The following NBAS variants were observed in gnomAD, a reference collection of about 807,000 sequenced individuals.
The protein encoded by NBAS is NBAS subunit of NRZ tethering complex.
Under a neutral mutation model 302.5 loss-of-function variants are expected in NBAS, and 219 were observed. That is an observed-to-expected ratio of 0.72 (90% confidence interval 0.65 to 0.81). The LOEUF (loss-of-function observed/expected upper bound fraction) is 0.81. Ranked by LOEUF, NBAS falls within the 30% of genes least tolerant of loss-of-function variation. The probability of loss-of-function intolerance (pLI) is 0.00; values close to 1 mark genes in which losing one functional copy is unlikely to be tolerated. For synonymous variants in NBAS, 1,118 were observed against 1,021.6 expected, an observed-to-expected ratio of 1.09 and a Z score of -1.80; for missense variants, 2,932 against 2,841.6, an observed-to-expected ratio of 1.03 and a Z score of -0.72.
At chr2:15,420,728 A>C (rs1327696660) in intron 23 of NBAS, among the ~76,000 whole-genome samples, 3 of 152,218 alleles carry the variant, frequency 2.0e-5, no homozygotes, top group African/African-American at 7.2e-5. Flanking sequence ...GAGCACATGC[A>C]AATGGAATGG....
At chr2:14,911,635 C>T in the NBAS span, among the ~76,000 whole-genome samples, 23 of 152,158 alleles carry the variant, frequency 1.5e-4, no homozygotes, top group Non-Finnish European at 2.1e-4. Flanking sequence ...ATGTCACCCA[C>T]TTGTTGTCAA....
intron 33 of NBAS, among the ~76,000 whole-genome samples, chr2:15,354,058 T>C (rs1673498274): frequency 6.6e-6 from 1 of 152,208 alleles, no homozygotes; most frequent in African/African-American, 2.4e-5. Context: ...GCAACCCTGC[T>C]ACTTAGCACT....
At chr2:14,877,229 G>A in the NBAS span, among the ~76,000 whole-genome samples, 2 of 152,138 alleles carry the variant, frequency 1.3e-5, no homozygotes, top group Non-Finnish European at 2.9e-5. Context: ...TCCTAGCTGT[G>A]TTTTCGCACT....
chr2:15,225,569 A>G (rs1217572871), intron 47 of NBAS, among the ~76,000 whole-genome samples: 1 of 152,226 alleles, frequency 6.6e-6, no homozygotes, highest in Non-Finnish European at 1.5e-5. Context: ...AGATAACAGC[A>G]AAGAGTTTAA....
intron 31 of NBAS, 23 bp downstream of exon 31, chr2:15,374,585 G>C (rs767966852): frequency 1.1e-5 from 18 of 1,571,402 alleles, no homozygotes; most frequent in Non-Finnish European, 1.5e-5. Flanking sequence ...TAGTAACAAT[G>C]CAACAGTAAG....
chr2:14,873,143 G>A, the NBAS span, among the ~76,000 whole-genome samples: 1 of 152,190 alleles, frequency 6.6e-6, no homozygotes, highest in African/African-American at 2.4e-5. Context: ...CAGCTGATTA[G>A]TCCATTTCAC....
chr2:15,079,156 A>C, the NBAS span, among the ~76,000 whole-genome samples: 2 of 152,094 alleles, frequency 1.3e-5, no homozygotes, highest in Non-Finnish European at 2.9e-5. Context: ...GTAAAATGAT[A>C]AAGTACCAGA....
chr2:15,215,619 G>GA (rs1666616309), intron 48 of NBAS, among the ~76,000 whole-genome samples: 1 of 152,048 alleles, frequency 6.6e-6, no homozygotes, highest in African/African-American at 2.4e-5. Flanking sequence ...GAGAGAAAAT[G>GA]AAAAAAACAA....
chr2:15,422,255 T>A (rs757456018), intron 23 of NBAS, among the ~76,000 whole-genome samples: 11 of 152,232 alleles, frequency 7.2e-5, no homozygotes, highest in Non-Finnish European at 1.2e-4. Flanking sequence ...CTTCTTTCAC[T>A]AAGTAATAGG....
the NBAS span, among the ~76,000 whole-genome samples, chr2:14,947,773 A>G: frequency 1.8e-4 from 28 of 151,828 alleles, no homozygotes; most frequent in African/African-American, 6.8e-4. Flanking sequence ...GGCCTTTACT[A>G]TTTTGAGGTA....
intron 44 of NBAS, among the ~76,000 whole-genome samples, chr2:15,261,836 T>A (rs927630970): frequency 2.6e-5 from 4 of 152,362 alleles, no homozygotes; most frequent in African/African-American, 9.6e-5. Context: ...ATTTTCCATT[T>A]AGAAATCTTC....
At chr2:15,402,328 A>C (rs376161590) in intron 25 of NBAS, 27 bp from the exon 26 acceptor site, 8 of 1,611,150 alleles carry the variant, frequency 5.0e-6, no homozygotes, top group Non-Finnish European at 5.9e-6. Context: ...ATGTTGTACT[A>C]AATGTCAACA....
chr2:14,963,657 T>C, the NBAS span, among the ~76,000 whole-genome samples: 1,270 of 152,306 alleles, frequency 8.3e-3, 21 homozygotes, highest in African/African-American at 0.029. Context: ...ACTAAGGAGC[T>C]TCCCAAGTAG....
At chr2:15,238,806 T>C (rs1417308960) in intron 44 of NBAS, 120 bp from the exon 45 acceptor site, 4 of 822,290 alleles carry the variant, frequency 4.9e-6, no homozygotes, top group Non-Finnish European at 7.4e-6. Context: ...AACCAATAAA[T>C]AGCACTTGTT....
rs149010415 is a variant in NBAS, at chr2:15,388,124, T to C, written c.3258-4807A>G. Among the ~76,000 whole-genome samples the C allele has an allele frequency of 1.8e-4, 27 of 152,260 alleles. 1 individual carries two copies. The highest frequency in any genetic ancestry group is 2.9e-4 in the Non-Finnish European group (20 of 68,042). ...GAGAAGAATTGACACCTTTCCACTA[T>C]TGATTCTTCCAATCTATAAACATGA... On this transcript the variant is annotated intron_variant, in intron 28 of 51. Coordinates refer to ENST00000281513, the MANE Select transcript of NBAS (RefSeq NM_015909.4).
intron 21 of NBAS, among the ~76,000 whole-genome samples, chr2:15,452,364 G>A (rs1679060316): frequency 6.6e-6 from 1 of 152,178 alleles, no homozygotes; most frequent in Non-Finnish European, 1.5e-5. Context: ...GGGAGGCCGA[G>A]GCGGGTGGAT....
chr2:15,059,479 AT>A, the NBAS span, among the ~76,000 whole-genome samples: 4 of 152,184 alleles, frequency 2.6e-5, no homozygotes, highest in Non-Finnish European at 4.4e-5. Flanking sequence ...AGATAAGCAG[AT>A]GCCCCCAGAA....
the NBAS span, among the ~76,000 whole-genome samples, chr2:14,912,315 T>G: frequency 6.6e-6 from 1 of 152,134 alleles, no homozygotes; most frequent in Non-Finnish European, 1.5e-5. Context: ...TCAAACTATT[T>G]TAACAAGAAT....
the NBAS span, among the ~76,000 whole-genome samples, chr2:15,012,067 C>A: frequency 1.3e-5 from 2 of 151,826 alleles, no homozygotes; most frequent in African/African-American, 2.4e-5. Context: ...TGTAACAGAC[C>A]CCAATCATAA....
Sources: gnomAD v4.1 joint callset for allele counts (sites outside exome capture counted in the v4.1 genomes callset) on GRCh38, gnomAD v4.1.1 for gene constraint, MANE v1.5 for transcripts, NCBI Gene and HGNC (gene_info 2026-07-23, HGNC 2026-07-21) for gene names.